The following NOX4 variants were observed in gnomAD, a reference collection of about 807,000 sequenced individuals.
NOX4 encodes kidney oxidase-1.
A neutral mutation model predicts 87.6 loss-of-function variants in NOX4; 69 were observed. The observed-to-expected ratio is 0.79, with a 90% confidence interval of 0.65 to 0.96. The LOEUF is 0.96. Ranked by LOEUF, NOX4 falls within the 40% of genes least tolerant of loss-of-function variation. The pLI, the probability that NOX4 is intolerant of heterozygous loss-of-function variation, is 0.00. For synonymous variants in NOX4, 275 were observed against 238.2 expected, an observed-to-expected ratio of 1.15 and a Z score of -1.42; for missense variants, 680 against 681.5, an observed-to-expected ratio of 1.00 and a Z score of 0.02.
intron 1 of NOX4, among the ~76,000 whole-genome samples, chr11:89,497,291 C>T (rs983821672): frequency 6.6e-6 from 1 of 152,172 alleles, no homozygotes; most frequent in African/African-American, 2.4e-5. Context: ...TGTTACTGTT[C>T]TTAAAGTTTT....
At chr11:89,469,270 G>A (rs555271788) in intron 2 of NOX4, among the ~76,000 whole-genome samples, 48 of 152,184 alleles carry the variant, frequency 3.2e-4, no homozygotes, top group African/African-American at 1.1e-3. Context: ...AAAGGGAGTT[G>A]AAAAAGCCAG....
At chr11:89,395,695 G>A (rs1941435592) in intron 11 of NOX4, among the ~76,000 whole-genome samples, 1 of 152,110 alleles carries the variant, frequency 6.6e-6, no homozygotes, top group Admixed American at 6.6e-5. Flanking sequence ...GTGTAAGGAA[G>A]GGATCCAGTT....
chr11:89,519,341 G>A, the NOX4 span, among the ~76,000 whole-genome samples: 1 of 151,908 alleles, frequency 6.6e-6, no homozygotes, highest in South Asian at 2.1e-4. Context: ...AAATTGTGCT[G>A]TATACTGTAG....
At chr11:89,509,006 C>A in the NOX4 span, among the ~76,000 whole-genome samples, 1 of 152,024 alleles carries the variant, frequency 6.6e-6, no homozygotes, top group Non-Finnish European at 1.5e-5. Context: ...CAATTCAAAT[C>A]ATGATGTCAC....
chr11:89,454,494 C>T (rs1449465894), intron 2 of NOX4, among the ~76,000 whole-genome samples: 1 of 152,054 alleles, frequency 6.6e-6, no homozygotes, highest in East Asian at 1.9e-4. Context: ...TAATATGCCA[C>T]CTGGGTTGAA....
chr11:89,581,257 G>A, the NOX4 span, among the ~76,000 whole-genome samples: 4 of 152,126 alleles, frequency 2.6e-5, no homozygotes, highest in African/African-American at 9.7e-5. Context: ...TTCTGAGCAA[G>A]AGCTATCCCT....
intron 13 of NOX4, among the ~76,000 whole-genome samples, chr11:89,351,878 T>A (rs1565187300): frequency 6.6e-6 from 1 of 152,124 alleles, no homozygotes; most frequent in Non-Finnish European, 1.5e-5. Flanking sequence ...AATGGATGAC[T>A]GGATAAAGAA....
At chr11:89,562,309 A>AG in the NOX4 span, among the ~76,000 whole-genome samples, 32 of 152,310 alleles carry the variant, frequency 2.1e-4, no homozygotes, top group African/African-American at 7.2e-4. Context: ...AATGAAAAAA[A>AG]GGAGCCTTAA....
At chr11:89,558,957 T>C in the NOX4 span, among the ~76,000 whole-genome samples, 3 of 152,116 alleles carry the variant, frequency 2.0e-5, no homozygotes, top group African/African-American at 7.2e-5. Flanking sequence ...TTCACCTAAA[T>C]TTAATTACAC....
chr11:89,387,998 T>G (rs1472652791), intron 11 of NOX4, among the ~76,000 whole-genome samples: 1 of 152,172 alleles, frequency 6.6e-6, no homozygotes, highest in Non-Finnish European at 1.5e-5. Context: ...TTCCAGCTAT[T>G]GATTGTATTA....
the NOX4 span, among the ~76,000 whole-genome samples, chr11:89,505,320 T>G: frequency 6.6e-6 from 1 of 151,964 alleles, no homozygotes; most frequent in African/African-American, 2.4e-5. Context: ...GGAGATCATG[T>G]TCTAATGAGC....
chr11:89,358,602 A>G (rs1269901992), intron 12 of NOX4, among the ~76,000 whole-genome samples: 1 of 151,670 alleles, frequency 6.6e-6, no homozygotes, highest in Non-Finnish European at 1.5e-5. Context: ...AATGATAACA[A>G]TTATCCTTAG....
intron 8 of NOX4, among the ~76,000 whole-genome samples, chr11:89,413,674 G>C (rs3907858): frequency 1.3e-5 from 2 of 151,814 alleles, no homozygotes; most frequent in African/African-American, 4.8e-5. Context: ...CAGAGGCTGC[G>C]AATGAGAGGG....
At chr11:89,499,838 G>A (rs572770870), upstream of NOX4, among the ~76,000 whole-genome samples, 1 of 146,534 alleles carries the variant, frequency 6.8e-6, no homozygotes, top group East Asian at 2.0e-4. Flanking sequence ...TTAATCAGTG[G>A]ATATTTAATT....
chr11:89,564,202 C>A, the NOX4 span, among the ~76,000 whole-genome samples: 1 of 152,136 alleles, frequency 6.6e-6, no homozygotes, highest in Non-Finnish European at 1.5e-5. Flanking sequence ...AAAGAACTAC[C>A]TGAAACTGGG....
the NOX4 span, among the ~76,000 whole-genome samples, chr11:89,522,346 T>C: frequency 6.6e-6 from 1 of 152,156 alleles, no homozygotes; most frequent in Non-Finnish European, 1.5e-5. Flanking sequence ...AAAGAAATTA[T>C]GTCCCTTGTA....
At chr11:89,522,010 TA>T in the NOX4 span, among the ~76,000 whole-genome samples, 1 of 151,880 alleles carries the variant, frequency 6.6e-6, no homozygotes, top group African/African-American at 2.4e-5. Flanking sequence ...TGGTTACTGT[TA>T]GAAAGAAAAA....
At chr11:89,472,535 T>C (rs1324517247) in intron 2 of NOX4, among the ~76,000 whole-genome samples, 3 of 152,348 alleles carry the variant, frequency 2.0e-5, no homozygotes, top group Non-Finnish European at 2.9e-5. Context: ...TTTTATGTCA[T>C]CATTTTTTTA....
chr11:89,339,546 G>A (rs760041889), intron 15 of NOX4, among the ~76,000 whole-genome samples: 15 of 152,214 alleles, frequency 9.9e-5, no homozygotes, highest in African/African-American at 3.4e-4. Flanking sequence ...AATGTTACAC[G>A]TAGGATAGGA....
Sources: allele counts gnomAD v4.1 joint callset (sites outside exome capture counted in the v4.1 genomes callset), GRCh38; gene constraint gnomAD v4.1.1; transcripts MANE v1.5; gene names NCBI Gene and HGNC (gene_info 2026-07-23, HGNC 2026-07-21).